Variants in MACF1 observed in about 807,000 individuals in gnomAD.
The protein encoded by MACF1 is microtubule-actin cross-linking factor 1.
MACF1 carries 193 observed loss-of-function variants against 854.8 expected under a neutral mutation model. The observed-to-expected ratio is 0.23, with a 90% CI of 0.20 to 0.25. The LOEUF (loss-of-function observed/expected upper bound fraction) is 0.25. Among genes scored for constraint, MACF1 ranks in the 10% least tolerant of loss-of-function variants. The pLI is 1.00. For synonymous variants in MACF1, 3,185 were observed against 3,226.7 expected, an observed-to-expected ratio of 0.99 and a Z score of 0.44; for missense variants, 7,722 against 8,929.1, an observed-to-expected ratio of 0.86 and a Z score of 5.45.
intron 2 of MACF1, among the ~76,000 whole-genome samples, chr1:39,183,452 GA>G (rs1296482467): frequency 6.6e-6 from 1 of 152,152 alleles, no homozygotes; most frequent in African/African-American, 2.4e-5. Flanking sequence ...CTGCCACTGA[GA>G]ATCTTGAAGT....
chr1:39,269,296 C>G lies in MACF1; in HGVS notation c.528+11268C>G, dbSNP rs1371610375. 3.1e-6 allele frequency: 4 copies of G among 1,289,844 alleles called. No individual in the cohort carries two copies. In the East Asian group the frequency reaches 2.2e-4, roughly 72 times the overall value. The allele number at this position is 1,289,844 out of a possible 1,614,324, so 79.9% of individuals were successfully genotyped here. A position where few individuals can be genotyped will look rare whatever the true frequency, so the allele number is the denominator to read the frequency against. On this transcript the variant is annotated intron_variant, in intron 6 of 100. Coordinates refer to ENST00000564288, the MANE Select transcript of MACF1 (RefSeq NM_001394062.1). ...ATTCAGCGTGGGTTTCGGAGCTGTG[C>G]TTTGCCTAGGACAGACTACCCCACT...
chr1:39,384,086 T>C (rs1419226759), intron 56 of MACF1, among the ~76,000 whole-genome samples: 1 of 152,158 alleles, frequency 6.6e-6, no homozygotes, highest in Non-Finnish European at 1.5e-5. Context: ...GTATGTCTGC[T>C]AATCCTAGAC....
At chr1:39,125,519 C>G (rs150310352) in intron 2 of MACF1, among the ~76,000 whole-genome samples, 1 of 152,106 alleles carries the variant, frequency 6.6e-6, no homozygotes, top group Admixed American at 6.6e-5. Flanking sequence ...TCCATTCATT[C>G]GGGAGATGCT....
intron 52 of MACF1, among the ~76,000 whole-genome samples, chr1:39,376,594 G>C (rs1245726838): frequency 6.6e-6 from 1 of 151,896 alleles, no homozygotes; most frequent in Non-Finnish European, 1.5e-5. Flanking sequence ...TACTAGTCCA[G>C]TTTCTTTTTT....
Position 39,288,969 on chromosome 1 carries a change from C to G in MACF1, c.1785+1407C>G, listed in dbSNP as rs115241995. 4.1e-3 allele frequency among the ~76,000 whole-genome samples: 623 copies of G among 152,318 alleles called. 1 individual carries two copies. Among genetic ancestry groups the G allele is most frequent in the Non-Finnish European group, 7.3e-3 (494 of 68,020 alleles). On this transcript the variant is annotated intron_variant, in intron 15 of 100. Transcript: ENST00000564288. ...AGCCTGTTTTGATTTATACATCCCA[C>G]AGCTAAGTGAGAACATGCATTGTTT...
At chr1:39,273,275 T>G (rs1645364262) in intron 6 of MACF1, among the ~76,000 whole-genome samples, 1 of 151,604 alleles carries the variant, frequency 6.6e-6, no homozygotes, top group African/African-American at 2.4e-5. Context: ...TAACTGGGAT[T>G]ACAGGCGCCC....
intron 58 of MACF1, chr1:39,412,873 G>A (rs751751124): frequency 1.9e-6 from 3 of 1,609,908 alleles, no homozygotes; most frequent in Admixed American, 1.7e-5. Context: ...AGAGGGAACT[G>A]CTGTAGTTGC....
intron 58 of MACF1, among the ~76,000 whole-genome samples, chr1:39,389,087 G>A (rs1490269492): frequency 2.0e-5 from 3 of 151,350 alleles, no homozygotes; most frequent in African/African-American, 7.3e-5. Context: ...TGTCTCCCAG[G>A]CTGGTCTCAA....
chr1:39,134,165 C>T (rs1026211598), intron 2 of MACF1, among the ~76,000 whole-genome samples: 3 of 150,868 alleles, frequency 2.0e-5, no homozygotes, highest in South Asian at 2.1e-4. Context: ...CTCAGCCTCC[C>T]GAGTAGCTGG....
chr1:39,384,320 G>A (rs1258782489), intron 56 of MACF1, among the ~76,000 whole-genome samples: 1 of 151,976 alleles, frequency 6.6e-6, no homozygotes, highest in East Asian at 1.9e-4. Context: ...ATAGTTCATT[G>A]TTTACACATT....
At chr1:39,476,962 C>G (rs868601513) in intron 97 of MACF1, among the ~76,000 whole-genome samples, 63 of 143,760 alleles carry the variant, frequency 4.4e-4, no homozygotes, top group African/African-American at 1.5e-3. Context: ...CTGCCCACTT[C>G]TAAAACATGG....
intron 2 of MACF1, among the ~76,000 whole-genome samples, chr1:39,150,687 A>G (rs1281519639): frequency 6.6e-6 from 1 of 152,006 alleles, no homozygotes. Flanking sequence ...GTCACCAGTC[A>G]CCTCCTAATT....
chr1:39,282,258 G>A lies in MACF1; in HGVS notation c.579G>A (p.Glu193=), dbSNP rs955143731. ...SGESGDMSAK[E]KLLLWTQKVT... ...AATCAGGGGATATGTCAGCCAAGGA[G>A]AAACTACTCCTGTGGACCCAGAAGG... Residue 193 remains glutamate (E), a synonymous_variant, in exon 7 of 101, where the codon GAG becomes GAA. Coordinates refer to ENST00000564288, the MANE Select transcript of MACF1 (RefSeq NM_001394062.1). 15 of 1,614,082 alleles carry A rather than the reference G, an allele frequency of 9.3e-6. No individual in the cohort carries two copies. The highest frequency in any genetic ancestry group is 1.3e-5 in the Non-Finnish European group (15 of 1,179,968).
At chr1:39,387,143 AG>A in intron 57 of MACF1, 43 bp from the exon 58 acceptor site, 1 of 1,581,164 alleles carries the variant, frequency 6.3e-7, no homozygotes, top group East Asian at 2.2e-5. Flanking sequence ...TTTAAATGCC[AG>A]GGTTCAGGCT....
chr1:39,331,047 C>A, intron 36 of MACF1, 156 bp from the exon 37 acceptor site: 1 of 1,107,400 alleles, frequency 9.0e-7, no homozygotes, highest in Non-Finnish European at 1.2e-6. Flanking sequence ...GATTTGCCTG[C>A]CTTGGGCAGA....
At chr1:39,091,537 C>G (rs554289175) in intron 2 of MACF1, among the ~76,000 whole-genome samples, 1 of 152,166 alleles carries the variant, frequency 6.6e-6, no homozygotes, top group Admixed American at 6.5e-5. Flanking sequence ...CGCTCTGTCA[C>G]CAGGCTGGAG....
intron 21 of MACF1, among the ~76,000 whole-genome samples, chr1:39,297,979 C>T (rs929539632): frequency 3.3e-5 from 5 of 151,974 alleles, no homozygotes; most frequent in African/African-American, 7.2e-5. Flanking sequence ...GAAGTAAAGG[C>T]CTAGTCTTCT....
intron 2 of MACF1, among the ~76,000 whole-genome samples, chr1:39,233,775 C>CTT (rs11286953): frequency 0.034 from 1,253 of 36,564 alleles, 169 homozygotes; most frequent in Non-Finnish European, 0.057. Flanking sequence ...CTAGCCATAG[C>CTT]TTTTTTTTTT....
intron 58 of MACF1, among the ~76,000 whole-genome samples, chr1:39,394,824 A>G (rs994099547): frequency 3.9e-5 from 6 of 152,172 alleles, no homozygotes; most frequent in Non-Finnish European, 8.8e-5. Flanking sequence ...TTGGAGAGAC[A>G]GGAAATCACA....
Sources: allele counts gnomAD v4.1 joint callset (sites outside exome capture counted in the v4.1 genomes callset), GRCh38; gene constraint gnomAD v4.1.1; transcripts MANE v1.5; gene names NCBI Gene and HGNC (gene_info 2026-07-23, HGNC 2026-07-21).